The following EYS variants were observed in gnomAD, a reference collection of about 807,000 sequenced individuals.
EYS encodes EGF-like photoreceptor maintenance factor.
EYS carries 250 observed loss-of-function variants against 282.1 expected under a neutral mutation model. That is an observed-to-expected ratio of 0.89 (90% CI 0.80 to 0.98). EYS has a LOEUF of 0.98. Among genes scored for constraint, EYS ranks in the 50% least tolerant of loss-of-function variants. EYS has a pLI of 0.00. For synonymous variants in EYS, 1,355 were observed against 1,282.9 expected (o/e 1.06, Z -1.20); for missense variants, 4,016 against 3,709.0 (o/e 1.08, Z -2.15).
chr6:65,490,544 T>TA, intron 5 of EYS, 50 bp downstream of exon 5: 1 of 988,932 alleles, frequency 1.0e-6, no homozygotes, highest in South Asian at 1.4e-5. Flanking sequence ...AATACATAGA[T>TA]AAAATTAAAG....
At chr6:64,068,882 A>G (rs1242483138) in intron 32 of EYS, among the ~76,000 whole-genome samples, 2 of 151,850 alleles carry the variant, frequency 1.3e-5, no homozygotes, top group East Asian at 1.9e-4. Flanking sequence ...GACTTTGCAG[A>G]TGTGATTGAA....
intron 5 of EYS, among the ~76,000 whole-genome samples, chr6:65,438,207 T>G (rs111598802): frequency 9.2e-5 from 14 of 152,008 alleles, no homozygotes; most frequent in Non-Finnish European, 1.5e-4. Context: ...TATGGCTGCA[T>G]AGTATTCCAT....
At chr6:64,023,622 T>G (rs968115474) in intron 33 of EYS, among the ~76,000 whole-genome samples, 2 of 152,222 alleles carry the variant, frequency 1.3e-5, no homozygotes, top group African/African-American at 4.8e-5. Context: ...GAGGCAACAG[T>G]GTGCGCCCTC....
intron 5 of EYS, among the ~76,000 whole-genome samples, chr6:65,444,935 A>G (rs979774616): frequency 3.9e-5 from 6 of 151,920 alleles, no homozygotes; most frequent in Admixed American, 1.3e-4. Context: ...CTAGCTTGTT[A>G]CCTGTCTACA....
intron 15 of EYS, among the ~76,000 whole-genome samples, chr6:64,917,920 G>A (rs562038438): frequency 4.5e-4 from 68 of 152,008 alleles, no homozygotes; most frequent in Non-Finnish European, 7.6e-4. Flanking sequence ...AATAATGACC[G>A]TTAATAATAA....
At chr6:63,996,261 G>T (rs1201058505) in intron 34 of EYS, among the ~76,000 whole-genome samples, 3 of 152,058 alleles carry the variant, frequency 2.0e-5, no homozygotes, top group South Asian at 2.1e-4. Flanking sequence ...CTTAAATAAG[G>T]TATAGAAAGT....
chr6:64,945,748 C>A (rs1019230002), intron 15 of EYS, 45 bp downstream of exon 15: 10 of 1,522,014 alleles, frequency 6.6e-6, no homozygotes, highest in African/African-American at 2.8e-5. Flanking sequence ...GGACACTGAG[C>A]ACTCCAAGTA....
chr6:65,475,950 CTG>C (rs2127248775), intron 5 of EYS, among the ~76,000 whole-genome samples: 1 of 152,146 alleles, frequency 6.6e-6, no homozygotes, highest in Non-Finnish European at 1.5e-5. Context: ...GATGTTCACT[CTG>C]TATTTCTTAC....
chr6:63,922,668 A>G (rs548686141), intron 35 of EYS, among the ~76,000 whole-genome samples: 16 of 152,312 alleles, frequency 1.1e-4, no homozygotes, highest in Non-Finnish European at 1.6e-4. Flanking sequence ...AACTTCTCAT[A>G]CCTCACTATT....
chr6:64,319,351 A>C (rs1215707049), intron 29 of EYS, among the ~76,000 whole-genome samples: 5 of 151,886 alleles, frequency 3.3e-5, no homozygotes, highest in Admixed American at 6.6e-5. Flanking sequence ...AGAAATGTAA[A>C]AAAAATGAGA....
At chr6:64,349,353 G>A (rs1410532509) in intron 29 of EYS, among the ~76,000 whole-genome samples, 1 of 151,156 alleles carries the variant, frequency 6.6e-6, no homozygotes, top group Non-Finnish European at 1.5e-5. Flanking sequence ...ATTTATTTAA[G>A]AGGTGCTAAT....
At chr6:64,925,610 G>A (rs1330107328) in intron 15 of EYS, among the ~76,000 whole-genome samples, 1 of 152,140 alleles carries the variant, frequency 6.6e-6, no homozygotes, top group Non-Finnish European at 1.5e-5. Flanking sequence ...TAGATCTTAA[G>A]GCCAGAAAGT....
At chr6:63,809,345 A>G (rs1770982672) in intron 36 of EYS, among the ~76,000 whole-genome samples, 1 of 152,126 alleles carries the variant, frequency 6.6e-6, no homozygotes, top group African/African-American at 2.4e-5. Flanking sequence ...TAATTTGGTT[A>G]CTCTACTGCA....
At chr6:64,227,856 T>A (rs1490372893) in intron 31 of EYS, among the ~76,000 whole-genome samples, 1 of 152,020 alleles carries the variant, frequency 6.6e-6, no homozygotes, top group Non-Finnish European at 1.5e-5. Context: ...ACTAAGAACA[T>A]TTCTAAGAAG....
In EYS at chr6:64,302,126, C is replaced by G. The variant is rs540739181; in HGVS notation, c.6191+4844G>C. 1.8e-4 allele frequency among the ~76,000 whole-genome samples: 27 copies of G among 152,260 alleles called. No homozygotes were observed. The East Asian group carries it at 4.8e-3, about 27-fold the overall frequency. Reference sequence around the variant, plus strand: ...ACATTCGAGCCCACAGCTCACTGCCCGGTTTATTGGCTTATGGCAATGATC... The same window carrying G: ...ACATTCGAGCCCACAGCTCACTGCCGGGTTTATTGGCTTATGGCAATGATC... On this transcript the variant is annotated intron_variant, in intron 30 of 42. Coordinates refer to ENST00000503581, the MANE Select transcript of EYS (RefSeq NM_001142800.2).
chr6:63,754,750 T>C (rs1238914662), intron 41 of EYS, among the ~76,000 whole-genome samples: 2 of 152,090 alleles, frequency 1.3e-5, no homozygotes, highest in Non-Finnish European at 2.9e-5. Context: ...AGTTCTAGAT[T>C]CTTAAGGAAT....
chr6:64,444,281 T>A (rs939003616), intron 26 of EYS, among the ~76,000 whole-genome samples: 1 of 152,222 alleles, frequency 6.6e-6, no homozygotes, highest in Non-Finnish European at 1.5e-5. Context: ...AGAGATGGAC[T>A]AAATGGTTGG....
rs1319700354 is a variant in EYS at position 65,141,191 on chromosome 6, A to G, written c.2024-83464T>C. On this transcript the variant is annotated intron_variant, in intron 12 of 42. Transcript: ENST00000503581. ...AAAATGATGAGTTCATGTCATTTGT[A>G]GGGACATGGATGAAGCTGGAAATCA... Among the ~76,000 whole-genome samples the G allele has an allele frequency of 2.6e-5, 4 of 152,108 alleles. No individual in the cohort carries two copies. In the East Asian group the frequency reaches 7.8e-4, roughly 30 times the overall value.
At chr6:65,164,161 T>A (rs1285577355) in intron 12 of EYS, among the ~76,000 whole-genome samples, 1 of 151,452 alleles carries the variant, frequency 6.6e-6, no homozygotes, top group East Asian at 2.0e-4. Flanking sequence ...TTTATACATT[T>A]GTAAACTGCA....
Sources: allele counts gnomAD v4.1 joint callset (sites outside exome capture counted in the v4.1 genomes callset), GRCh38; gene constraint gnomAD v4.1.1; transcripts MANE v1.5; gene names NCBI Gene and HGNC (gene_info 2026-07-23, HGNC 2026-07-21).